The following IPO11 variants were observed in gnomAD, a reference collection of about 807,000 sequenced individuals.
The protein encoded by IPO11 is importin 11, also known as importin-11.
In IPO11, 66 loss-of-function variants were observed where a neutral mutation model predicts 143.2. That is an observed-to-expected ratio of 0.46 (90% CI 0.38 to 0.57). The LOEUF (loss-of-function observed/expected upper bound fraction) is 0.57, where lower values mean the gene tolerates loss of function less well. Ranked by LOEUF, IPO11 falls within the 20% of genes least tolerant of loss-of-function variation. The pLI is 0.00. For synonymous variants in IPO11, 385 were observed against 377.8 expected (o/e 1.02, Z -0.22); for missense variants, 1,026 against 1,141.0 (o/e 0.90, Z 1.45).
chr5:62,494,923 A>G (rs886359510), intron 16 of IPO11, among the ~76,000 whole-genome samples: 2 of 151,664 alleles, frequency 1.3e-5, no homozygotes, highest in Admixed American at 6.6e-5. Flanking sequence ...TACCCCCCCA[A>G]ATTTTATTTT....
chr5:62,432,257 C>G (rs1744021471), intron 1 of IPO11, among the ~76,000 whole-genome samples: 1 of 152,174 alleles, frequency 6.6e-6, no homozygotes, highest in Non-Finnish European at 1.5e-5. Flanking sequence ...GATAGAGGCT[C>G]ACTATTCTTT....
chr5:62,512,037 C>G (rs765304619), intron 19 of IPO11, among the ~76,000 whole-genome samples: 1,457 of 150,640 alleles, frequency 9.7e-3, no homozygotes, highest in East Asian at 0.056. Context: ...GGCTGTGGGT[C>G]CACAGAGCAC....
At chr5:62,533,630 C>G (rs1437776503) in intron 22 of IPO11, among the ~76,000 whole-genome samples, 2 of 152,098 alleles carry the variant, frequency 1.3e-5, no homozygotes, top group Non-Finnish European at 2.9e-5. Flanking sequence ...CTTATTAGAA[C>G]AGTGCTTTTA....
At chr5:62,481,936 G>A (rs1746227737) in intron 9 of IPO11, among the ~76,000 whole-genome samples, 1 of 152,116 alleles carries the variant, frequency 6.6e-6, no homozygotes, top group Non-Finnish European at 1.5e-5. Context: ...TTTTTGATTG[G>A]TAAGCTATTG....
chr5:62,517,890 A>G, intron 20 of IPO11, among the ~76,000 whole-genome samples: 1 of 152,186 alleles, frequency 6.6e-6, no homozygotes, highest in East Asian at 1.9e-4. Flanking sequence ...GTACCGGCCA[A>G]GAGTGCAAGG....
intron 27 of IPO11, chr5:62,579,827 G>A: frequency 6.5e-7 from 1 of 1,547,070 alleles, no homozygotes; most frequent in Non-Finnish European, 8.7e-7. Context: ...ATATTTAAGG[G>A]ACTTTTAAAT....
chr5:62,537,265 A>G lies in IPO11; in HGVS notation c.2226A>G (p.Thr742=), dbSNP rs202245863. ...SFCELLKEIT[T]EGQVQVLKVV... ...GTGAACTTTTAAAGGAAATTACTACAGAAGGTCAAGTTCAGGTGCTCAAGG... is the reference window on the plus strand; with the variant it reads ...GTGAACTTTTAAAGGAAATTACTACGGAAGGTCAAGTTCAGGTGCTCAAGG... The change falls in exon 24 of 30, where the codon ACA becomes ACG. Residue 742 remains threonine (T), a synonymous_variant. Transcript: ENST00000325324. The G allele has an allele frequency of 6.9e-6, 11 of 1,603,040 alleles. No homozygotes were observed. The highest frequency in any genetic ancestry group is 2.6e-6 in the Non-Finnish European group (3 of 1,170,990).
intron 28 of IPO11, among the ~76,000 whole-genome samples, chr5:62,598,397 T>TTCCTTCCTTCCTTCCTTCC (rs1745314886): frequency 1.1e-4 from 1 of 9,310 alleles, no homozygotes; most frequent in Admixed American, 1.2e-3. Context: ...GCTTGCTTTC[T>TTCCTTCCTTCCTTCCTTCC]TTCTTTCTTT....
intron 24 of IPO11, among the ~76,000 whole-genome samples, chr5:62,546,546 A>C (rs975052014): frequency 6.6e-6 from 1 of 152,158 alleles, no homozygotes; most frequent in Admixed American, 6.5e-5. Flanking sequence ...ATGTATACAT[A>C]TGTAACAAAC....
intron 1 of IPO11, chr5:62,422,594 A>G (rs1743552560): frequency 6.6e-6 from 1 of 152,176 alleles, no homozygotes; most frequent in Non-Finnish European, 1.5e-5. Flanking sequence ...ATTGTTTAGG[A>G]TAATGTATAA....
chr5:62,620,759 A>G (rs1275763663), intron 29 of IPO11, among the ~76,000 whole-genome samples: 1 of 152,224 alleles, frequency 6.6e-6, no homozygotes, highest in African/African-American at 2.4e-5. Context: ...GTCTCTTATC[A>G]GACTTAAGGT....
chr5:62,504,650 G>A lies in IPO11; in HGVS notation c.1591-17G>A, dbSNP rs763170040. 2.2e-6 allele frequency: 3 copies of A among 1,390,516 alleles called. No homozygotes were observed. Among genetic ancestry groups the A allele is most frequent in the Non-Finnish European group, 3.0e-6 (3 of 1,009,802 alleles). The allele number at this position is 1,390,516 out of a possible 1,614,324, so 86.1% of individuals were successfully genotyped here. On this transcript the variant is annotated splice_polypyrimidine_tract_variant and intron_variant, in intron 16 of 29. Coordinates refer to ENST00000325324, the MANE Select transcript of IPO11 (RefSeq NM_016338.5). ...CATTCTAAAATAATTAAAAACTAATGATATACTTTCTTTTAGGTCCGTATT... is the reference window on the plus strand; with the variant it reads ...CATTCTAAAATAATTAAAAACTAATAATATACTTTCTTTTAGGTCCGTATT...
intron 27 of IPO11, among the ~76,000 whole-genome samples, chr5:62,587,486 T>C (rs913461387): frequency 2.0e-5 from 3 of 152,098 alleles, no homozygotes. Flanking sequence ...GGGAAAACTT[T>C]TTTTTTTTAA....
rs539196167 is a variant in IPO11, at chr5:62,429,173, C to G, written c.-6-8101C>G. Among the ~76,000 whole-genome samples, 8 of 152,260 alleles carry G rather than the reference C, an allele frequency of 5.3e-5. 2 individuals are homozygous for G. In the South Asian group the frequency reaches 1.7e-3, roughly 32 times the overall value. The stretch of plus-strand genomic sequence containing the variant: ...AAATAGCAGTTGCTCCACATTTCCC[C>G]CCAATTCCCCAGCCTAGGGAACCAC... On this transcript the variant is annotated intron_variant, in intron 1 of 29. Coordinates refer to ENST00000325324, the MANE Select transcript of IPO11 (RefSeq NM_016338.5).
intron 8 of IPO11, among the ~76,000 whole-genome samples, chr5:62,474,724 CAT>C (rs1745895508): frequency 6.6e-6 from 1 of 152,188 alleles, no homozygotes; most frequent in African/African-American, 2.4e-5. Flanking sequence ...GCTTTTGCCT[CAT>C]ATACAGAAGT....
chr5:62,426,756 T>A (rs1243975224), intron 1 of IPO11, among the ~76,000 whole-genome samples: 2 of 150,724 alleles, frequency 1.3e-5, no homozygotes, highest in Non-Finnish European at 3.0e-5. Context: ...CTGCTTGTCT[T>A]TTTGTAGGTG....
At chr5:62,435,110 G>GTATATATATGTA (rs1313698232) in intron 1 of IPO11, among the ~76,000 whole-genome samples, 1,034 of 65,410 alleles carry the variant, frequency 0.016, 70 homozygotes, top group African/African-American at 0.055. Flanking sequence ...GTATATATAT[G>GTATATATATGTA]TATATATGTA....
intron 19 of IPO11, among the ~76,000 whole-genome samples, chr5:62,509,712 A>G (rs1236189850): frequency 1.3e-5 from 2 of 152,178 alleles, no homozygotes; most frequent in African/African-American, 4.8e-5. Flanking sequence ...GAATTAGACT[A>G]TTTTAGATAC....
intron 1 of IPO11, among the ~76,000 whole-genome samples, chr5:62,424,254 C>T (rs1580160123): frequency 6.6e-6 from 1 of 152,024 alleles, no homozygotes; most frequent in South Asian, 2.1e-4. Flanking sequence ...ATTCTCCTGC[C>T]TCAGCCTCCC....
Sources: allele counts gnomAD v4.1 joint callset (sites outside exome capture counted in the v4.1 genomes callset), GRCh38; gene constraint gnomAD v4.1.1; transcripts MANE v1.5; gene names NCBI Gene and HGNC (gene_info 2026-07-23, HGNC 2026-07-21).